Variants in DHRS4L2 observed in about 807,000 individuals in gnomAD.
DHRS4L2 encodes dehydrogenase/reductase SDR family member 4-like 2.
In DHRS4L2, 22 loss-of-function variants were observed where a neutral mutation model predicts 23.9. That is an observed-to-expected ratio of 0.92 (90% CI 0.66 to 1.31). The LOEUF (loss-of-function observed/expected upper bound fraction) is 1.31. Among genes scored for constraint, DHRS4L2 ranks in the 40% most tolerant of loss-of-function variants. The pLI is 0.00. For missense variants in DHRS4L2, 385 were observed against 303.3 expected, an observed-to-expected ratio of 1.27 and a Z score of -2.00; for synonymous variants, 141 against 123.7, an observed-to-expected ratio of 1.14 and a Z score of -0.93.
intron 3 of DHRS4L2, among the ~76,000 whole-genome samples, chr14:23,996,814 G>A (rs553045671): frequency 2.0e-4 from 31 of 151,762 alleles, no homozygotes; most frequent in Middle Eastern, 3.4e-3. Context: ...CTAATTTTTT[G>A]TATTGAGATG....
intron 1 of DHRS4L2, among the ~76,000 whole-genome samples, chr14:23,977,160 ATT>A (rs1054192736): frequency 6.6e-6 from 1 of 151,920 alleles, no homozygotes; most frequent in Non-Finnish European, 1.5e-5. Context: ...AATCCATTCC[ATT>A]TAAATAGACT....
intron 1 of DHRS4L2, among the ~76,000 whole-genome samples, chr14:23,974,600 A>G (rs1419396390): frequency 6.6e-6 from 1 of 151,858 alleles, no homozygotes; most frequent in Non-Finnish European, 1.5e-5. Flanking sequence ...ACACACTACC[A>G]TCAGAGAATA....
At chr14:23,971,785 T>G (rs868355522) in intron 1 of DHRS4L2, among the ~76,000 whole-genome samples, 12 of 152,000 alleles carry the variant, frequency 7.9e-5, no homozygotes, top group Admixed American at 1.3e-4. Context: ...TGCTGAGAGA[T>G]TTTGTCACCA....
chr14:23,972,061 TG>T (rs1375538587), intron 1 of DHRS4L2, among the ~76,000 whole-genome samples: 1 of 152,032 alleles, frequency 6.6e-6, no homozygotes, highest in Admixed American at 6.5e-5. Flanking sequence ...AAGACCCATA[TG>T]GTGTGCTGTA....
intron 3 of DHRS4L2, among the ~76,000 whole-genome samples, chr14:23,995,498 T>C (rs2034362808): frequency 6.6e-6 from 1 of 151,902 alleles, no homozygotes; most frequent in Non-Finnish European, 1.5e-5. Context: ...TCTTTTCAGC[T>C]GACAAAAACT....
At chr14:23,972,721 G>A (rs144886095) in intron 1 of DHRS4L2, among the ~76,000 whole-genome samples, 2,229 of 144,730 alleles carry the variant, frequency 0.015, 46 homozygotes, top group African/African-American at 0.05. Flanking sequence ...GACCTGCACC[G>A]GCACCGGTCT....
At chr14:23,990,073 T>C in intron 1 of DHRS4L2, 109 bp from the exon 2 acceptor site, 1 of 1,527,262 alleles carries the variant, frequency 6.5e-7, no homozygotes, top group Non-Finnish European at 8.8e-7. Flanking sequence ...AGGAGTTATA[T>C]AGAGAAAGAG....
In DHRS4L2 at chr14:23,990,111, C is replaced by A. The variant is rs777644237; in HGVS notation, c.129-71C>A. 3.1e-6 allele frequency: 5 copies of A among 1,591,472 alleles called. No homozygotes were observed. In the South Asian group the frequency reaches 3.4e-5, roughly 11 times the overall value. On this transcript the variant is annotated intron_variant, in intron 1 of 7. Transcript: ENST00000335125. ...AGAATTCAAACCCGGGCAGTCTTAACTTCAGAGCCCATGCTGTCGACCTCT... is the reference window on the plus strand; with the variant it reads ...AGAATTCAAACCCGGGCAGTCTTAAATTCAGAGCCCATGCTGTCGACCTCT...
exon 1 of DHRS4L2, chr14:23,969,966 G>C (rs1435213011): frequency 4.6e-5 from 21 of 454,312 alleles, no homozygotes; most frequent in Admixed American, 3.3e-4. Flanking sequence ...CCACTGTCTG[G>C]AGCGGGCTCG....
rs556695785 is a variant in DHRS4L2, at chr14:23,981,463, C to T, written c.-175-8719C>T. Among the ~76,000 whole-genome samples, 137 of 151,734 alleles carry T rather than the reference C, an allele frequency of 9.0e-4. 1 individual carries two copies. The highest frequency in any genetic ancestry group is 3.4e-3 in the Middle Eastern group (1 of 294). ...AATTGGAAAAAACTACTTTAAATTT[C>T]ATATGGAACCAAAAAAAGAGCCCAT... On this transcript the variant is annotated intron_variant, in intron 1 of 5. Transcript: ENST00000534993.
intron 3 of DHRS4L2, among the ~76,000 whole-genome samples, chr14:23,996,930 CA>C (rs781140632): frequency 7.2e-5 from 11 of 151,986 alleles, no homozygotes; most frequent in Non-Finnish European, 1.3e-4. Context: ...CCACCACACA[CA>C]GCCAGATTCT....
chr14:24,000,797 T>A, intron 3 of DHRS4L2, 66 bp from the exon 4 acceptor site: 1 of 1,426,086 alleles, frequency 7.0e-7, no homozygotes, highest in Non-Finnish European at 9.6e-7. Flanking sequence ...CTCTAACTCC[T>A]CATTTTTTCA....
chr14:23,993,498 G>A (rs117142462), intron 2 of DHRS4L2, among the ~76,000 whole-genome samples: 2 of 151,552 alleles, frequency 1.3e-5, no homozygotes, highest in South Asian at 2.1e-4. Context: ...TTGACCAAGG[G>A]CCCACATACT....
exon 1 of DHRS4L2, chr14:23,970,138 T>C: frequency 2.2e-6 from 1 of 455,744 alleles, no homozygotes; most frequent in Non-Finnish European, 4.4e-6. Context: ...AGTTGTAAGG[T>C]ACGGGACTGC....
At chr14:23,987,132 T>A (rs1594461352), upstream of DHRS4L2, 1 of 288,128 alleles carries the variant, frequency 3.5e-6, no homozygotes, top group Non-Finnish European at 6.9e-6. Flanking sequence ...GAAATCCTTG[T>A]TTTTTTTCTT....
At chr14:23,970,311 C>CGCTGGA (rs2033825997) in exon 1 of DHRS4L2, 1 of 435,174 alleles carries the variant, frequency 2.3e-6, no homozygotes, top group Non-Finnish European at 4.6e-6. Flanking sequence ...GAGCATCCTC[C>CGCTGGA]GCTGGAGCTG....
intron 2 of DHRS4L2, among the ~76,000 whole-genome samples, chr14:23,991,748 T>C (rs1369519631): frequency 6.6e-6 from 1 of 150,626 alleles, no homozygotes; most frequent in Non-Finnish European, 1.5e-5. Flanking sequence ...TTTTTTTTTT[T>C]TTTTTGAGAC....
chr14:23,982,172 G>C lies in DHRS4L2; in HGVS notation c.-175-8010G>C, dbSNP rs1016887311. On this transcript the variant is annotated intron_variant, in intron 1 of 5. Coordinates refer to the DHRS4L2 transcript ENST00000534993. ...ACCTTGGACAGTAACCAGCGTTGCA[G>C]GGCAGAGGTCCCTGCGGCTTTCCGC... 3.7e-4 allele frequency among the ~76,000 whole-genome samples: 56 copies of C among 151,714 alleles called. 1 individual carries two copies. The highest frequency in any genetic ancestry group is 1.2e-3 in the African/African-American group (50 of 41,286).
intron 3 of DHRS4L2, among the ~76,000 whole-genome samples, chr14:23,996,547 T>G (rs529770677): frequency 6.6e-6 from 1 of 150,848 alleles, no homozygotes; most frequent in South Asian, 2.2e-4. Flanking sequence ...TTCTCTTTCT[T>G]AAACCATCTT....
Sources: gnomAD v4.1 joint callset for allele counts (sites outside exome capture counted in the v4.1 genomes callset) on GRCh38, gnomAD v4.1.1 for gene constraint, MANE v1.5 for transcripts, NCBI Gene and HGNC (gene_info 2026-07-23, HGNC 2026-07-21) for gene names.